Variants in PDZD2 observed in about 807,000 individuals in gnomAD.
PDZD2 encodes the protein PDZ domain containing 2.
In PDZD2, 90 loss-of-function variants were observed where a neutral mutation model predicts 220.7. The ratio of observed to expected loss-of-function variants is 0.41; its 90% confidence interval spans 0.34 to 0.49. The LOEUF (loss-of-function observed/expected upper bound fraction) is 0.49, where lower values mean the gene tolerates loss of function less well. PDZD2 is among the 20% of genes least tolerant of loss of function. PDZD2 has a pLI of 0.28. For missense variants in PDZD2, 3,174 were observed against 3,608.5 expected, an observed-to-expected ratio of 0.88 and a Z score of 3.08; for synonymous variants, 1,375 against 1,450.5, an observed-to-expected ratio of 0.95 and a Z score of 1.18.
rs1160111594 is a variant in PDZD2, at chr5:31,689,353, A to ATTTTTTTTTTTTTT, written c.-361+49923_-361+49936dup. Among the ~76,000 whole-genome samples the ATTTTTTTTTTTTTT allele has an allele frequency of 1.7e-4, 6 of 35,142 alleles. 1 individual carries two copies. Among genetic ancestry groups the ATTTTTTTTTTTTTT allele is most frequent in the East Asian group, 3.7e-3 (2 of 546 alleles). The allele number at this position is 35,142 out of a possible 152,430, so 23.1% of individuals were successfully genotyped here. A position where few individuals can be genotyped will look rare whatever the true frequency, so the allele number is the denominator to read the frequency against. On this transcript the variant is annotated intron_variant, in intron 1 of 24. Transcript: ENST00000438447. ...TACATATACATATATATATATATAT[A>ATTTTTTTTTTTTTT]TTTTTTTTTTTTTTTTTTTTAAGTC...
At chr5:31,943,299 G>C (rs1313813786) in intron 2 of PDZD2, among the ~76,000 whole-genome samples, 1 of 152,068 alleles carries the variant, frequency 6.6e-6, no homozygotes, top group Non-Finnish European at 1.5e-5. Flanking sequence ...GGGAAGTGTT[G>C]CTTATTCTTG....
intron 1 of PDZD2, among the ~76,000 whole-genome samples, chr5:31,758,711 C>A (rs910643751): frequency 1.3e-5 from 2 of 152,172 alleles, no homozygotes; most frequent in Non-Finnish European, 2.9e-5. Flanking sequence ...TCCCTTTCCT[C>A]CATCCTCATC....
chr5:31,670,097 C>T (rs975533848), intron 1 of PDZD2, among the ~76,000 whole-genome samples: 7 of 152,144 alleles, frequency 4.6e-5, no homozygotes, highest in African/African-American at 9.7e-5. Flanking sequence ...GCACTCCTAA[C>T]TGCTAAGCTC....
chr5:31,784,821 C>T (rs138663797), intron 1 of PDZD2, among the ~76,000 whole-genome samples: 3,146 of 152,074 alleles, frequency 0.021, 105 homozygotes, highest in African/African-American at 0.072. Flanking sequence ...GCAGAAGAAT[C>T]GCTTGAACCC....
intron 1 of PDZD2, among the ~76,000 whole-genome samples, chr5:31,766,215 G>T (rs1186625344): frequency 6.6e-6 from 1 of 152,008 alleles, no homozygotes; most frequent in Non-Finnish European, 1.5e-5. Flanking sequence ...TGCCTGATTG[G>T]TTTTTGCTGG....
intron 1 of PDZD2, among the ~76,000 whole-genome samples, chr5:31,685,011 T>A (rs550004361): frequency 6.6e-6 from 1 of 152,364 alleles, no homozygotes; most frequent in Non-Finnish European, 1.5e-5. Context: ...TGTTGAATAG[T>A]GCCTGGCACC....
At chr5:31,930,336 G>A (rs1381974250) in intron 2 of PDZD2, among the ~76,000 whole-genome samples, 1 of 151,290 alleles carries the variant, frequency 6.6e-6, no homozygotes, top group Non-Finnish European at 1.5e-5. Context: ...CTCCCAAGTA[G>A]CTGGGACTAC....
intron 1 of PDZD2, among the ~76,000 whole-genome samples, chr5:31,760,683 A>G (rs1268136685): frequency 1.3e-5 from 2 of 152,188 alleles, no homozygotes; most frequent in Non-Finnish European, 2.9e-5. Flanking sequence ...GCACTTTGAG[A>G]GGCCAAGTCG....
At chr5:32,013,381 A>G (rs1465799826) in intron 6 of PDZD2, among the ~76,000 whole-genome samples, 1 of 147,428 alleles carries the variant, frequency 6.8e-6, no homozygotes, top group Non-Finnish European at 1.5e-5. Context: ...TTGCTTAGTC[A>G]AAGGTTTTTT....
At chr5:31,911,826 A>G (rs543176883) in intron 2 of PDZD2, among the ~76,000 whole-genome samples, 2 of 152,290 alleles carry the variant, frequency 1.3e-5, no homozygotes, top group African/African-American at 4.8e-5. Context: ...CTCTTCTGCC[A>G]TGCTCCTCAG....
In PDZD2 at chr5:31,796,638, G is replaced by T. The variant is rs562538215; in HGVS notation, c.-360-2251G>T. Among the ~76,000 whole-genome samples the T allele has an allele frequency of 2.2e-4, 33 of 152,184 alleles. 1 individual carries two copies. The East Asian group carries it at 6.0e-3, about 28-fold the overall frequency. On this transcript the variant is annotated intron_variant, in intron 1 of 24. Coordinates refer to ENST00000438447, the MANE Select transcript of PDZD2 (RefSeq NM_178140.4). The stretch of plus-strand genomic sequence containing the variant: ...ACGAAACGGAAGGGGAGCGGGAGAG[G>T]TGTTATCGCAGACCTATTACACACT...
rs1469610853 is a variant in PDZD2, at chr5:32,110,349, C to T, written c.*2214C>T. On this transcript the variant is annotated 3_prime_UTR_variant, in exon 25 of 25. Coordinates refer to ENST00000438447, the MANE Select transcript of PDZD2 (RefSeq NM_178140.4). ...ATGCTAAAGTCATCAGCCACTGCTACTACATCTTGCCAGAAGGTTTCCCTC... is the reference window on the plus strand; with the variant it reads ...ATGCTAAAGTCATCAGCCACTGCTATTACATCTTGCCAGAAGGTTTCCCTC... 1 of 152,634 alleles carries T rather than the reference C, an allele frequency of 6.6e-6. No homozygotes were observed. Among genetic ancestry groups the T allele is most frequent in the Non-Finnish European group, 1.5e-5 (1 of 68,042 alleles). The allele number at this position is 152,634 out of a possible 1,614,324, so 9.5% of individuals were successfully genotyped here. A position where few individuals can be genotyped will look rare whatever the true frequency, so the allele number is the denominator to read the frequency against.
chr5:31,725,741 G>A (rs1237776429), intron 1 of PDZD2: 10 of 911,796 alleles, frequency 1.1e-5, no homozygotes, highest in African/African-American at 1.6e-5. Context: ...ACGTGATTTA[G>A]CCTTCATTTC....
In PDZD2 at chr5:32,096,051, C is replaced by T. The variant is rs149877821; in HGVS notation, c.7846-1228C>T. The stretch of plus-strand genomic sequence containing the variant: ...AGCCACCGCACCCGGCGTAGGAGGC[C>T]TCATTTTCAAATATTGTCTCTTTGC... On this transcript the variant is annotated intron_variant, in intron 21 of 24. Coordinates refer to ENST00000438447, the MANE Select transcript of PDZD2 (RefSeq NM_178140.4). Among the ~76,000 whole-genome samples the T allele has an allele frequency of 1.3e-3, 201 of 151,438 alleles. 1 individual carries two copies. Among genetic ancestry groups the T allele is most frequent in the Middle Eastern group, 3.4e-3 (1 of 290 alleles).
rs1746481148 is a variant in PDZD2, at chr5:31,677,564, C to T, written c.-361+38127C>T. 7.5e-4 allele frequency among the ~76,000 whole-genome samples: 2 copies of T among 2,674 alleles called. 1 individual carries two copies. The highest frequency in any genetic ancestry group is 1.1e-3 in the African/African-American group (2 of 1,758). 1.8% of individuals were successfully genotyped at this position (2,674 alleles called of 152,430 possible). A position where few individuals can be genotyped will look rare whatever the true frequency, so the allele number is the denominator to read the frequency against. On this transcript the variant is annotated intron_variant, in intron 1 of 24. Transcript: ENST00000438447. ...CCCGGAGGCGGAGCTTGCAGTGAGCCGAGATTGCGCCACTGCACTCCAGCC... is the reference window on the plus strand; with the variant it reads ...CCCGGAGGCGGAGCTTGCAGTGAGCTGAGATTGCGCCACTGCACTCCAGCC...
At chr5:32,079,035 C>G (rs1056573380) in intron 19 of PDZD2, among the ~76,000 whole-genome samples, 3 of 150,832 alleles carry the variant, frequency 2.0e-5, no homozygotes, top group Non-Finnish European at 4.4e-5. Context: ...AAGGGGGGGC[C>G]GATCACTTGA....
chr5:31,959,580 C>A (rs934319484), intron 2 of PDZD2, among the ~76,000 whole-genome samples: 12 of 151,346 alleles, frequency 7.9e-5, no homozygotes, highest in Admixed American at 7.9e-4. Context: ...GAACTCCTGA[C>A]CTCAGGAGAT....
chr5:31,657,916 C>T (rs1745613241), intron 1 of PDZD2, among the ~76,000 whole-genome samples: 1 of 152,194 alleles, frequency 6.6e-6, no homozygotes, highest in Non-Finnish European at 1.5e-5. Context: ...CTTTCCAGCC[C>T]ATACCCCTAG....
At chr5:31,934,529 G>C (rs1291527588) in intron 2 of PDZD2, among the ~76,000 whole-genome samples, 1 of 151,332 alleles carries the variant, frequency 6.6e-6, no homozygotes, top group Non-Finnish European at 1.5e-5. Context: ...TTAGGGTATT[G>C]GGATGGCTAG....
Sources: gnomAD v4.1 joint callset for allele counts (sites outside exome capture counted in the v4.1 genomes callset) on GRCh38, gnomAD v4.1.1 for gene constraint, MANE v1.5 for transcripts, NCBI Gene and HGNC (gene_info 2026-07-23, HGNC 2026-07-21) for gene names.